CLEC16A: variants seen among roughly 807,000 people sequenced by gnomAD.
CLEC16A encodes the protein protein CLEC16A.
A neutral mutation model predicts 109.5 loss-of-function variants in CLEC16A; 51 were observed. The observed-to-expected ratio is 0.47, with a 90% CI of 0.37 to 0.59. The LOEUF is 0.59. Among genes scored for constraint, CLEC16A ranks in the 20% least tolerant of loss-of-function variants. CLEC16A has a pLI of 0.00. For synonymous variants in CLEC16A, 673 were observed against 564.2 expected (o/e 1.19, Z -2.73); for missense variants, 1,339 against 1,394.0 (o/e 0.96, Z 0.63).
At chr16:11,000,660 T>C (rs1019191691) in intron 10 of CLEC16A, among the ~76,000 whole-genome samples, 1 of 152,222 alleles carries the variant, frequency 6.6e-6, no homozygotes, top group South Asian at 2.1e-4. Context: ...TTGGCGTCTG[T>C]AATACGCTAT....
At chr16:10,965,435 A>G (rs988050413) in intron 3 of CLEC16A, among the ~76,000 whole-genome samples, 4 of 152,200 alleles carry the variant, frequency 2.6e-5, no homozygotes, top group African/African-American at 9.6e-5. Context: ...CTAACGATCC[A>G]TTGTGCACCA....
At chr16:11,121,466 G>A (rs1299528577) in intron 20 of CLEC16A, among the ~76,000 whole-genome samples, 1 of 152,126 alleles carries the variant, frequency 6.6e-6, no homozygotes, top group Non-Finnish European at 1.5e-5. Flanking sequence ...GTTGCCACTG[G>A]CATTTTTGTG....
intron 22 of CLEC16A, among the ~76,000 whole-genome samples, chr16:11,136,574 C>T (rs749617919): frequency 2.8e-4 from 43 of 152,204 alleles, no homozygotes; most frequent in Non-Finnish European, 4.6e-4. Context: ...ATTACGAATG[C>T]AGTAGTCCTT....
chr16:11,115,945 A>C (rs1261567070), intron 19 of CLEC16A, among the ~76,000 whole-genome samples: 1 of 151,930 alleles, frequency 6.6e-6, no homozygotes, highest in Non-Finnish European at 1.5e-5. Context: ...TCTTGGGCTC[A>C]AGCAATCCTC....
chr16:11,029,798 A>G (rs2046632788), intron 13 of CLEC16A, among the ~76,000 whole-genome samples: 1 of 152,202 alleles, frequency 6.6e-6, no homozygotes, highest in Non-Finnish European at 1.5e-5. Context: ...TAATATTTTG[A>G]CATATGTAAA....
intron 22 of CLEC16A, among the ~76,000 whole-genome samples, chr16:11,162,308 T>G (rs1378514969): frequency 6.6e-6 from 1 of 152,140 alleles, no homozygotes; most frequent in Non-Finnish European, 1.5e-5. Flanking sequence ...CTGGCCCTGC[T>G]CTTGGTGAGT....
chr16:10,982,307 A>AT (rs138009243), intron 9 of CLEC16A, among the ~76,000 whole-genome samples: 386 of 152,040 alleles, frequency 2.5e-3, no homozygotes, highest in African/African-American at 8.9e-3. Context: ...GTCTCGTGTG[A>AT]TTTTCAGCCC....
chr16:11,133,473 G>A (rs372834200), intron 22 of CLEC16A, among the ~76,000 whole-genome samples: 8 of 152,224 alleles, frequency 5.3e-5, no homozygotes, highest in South Asian at 2.1e-4. Context: ...TAATAGTTCC[G>A]TGGAAAAGCC....
At chr16:11,065,574 G>A (rs888439320) in intron 19 of CLEC16A, among the ~76,000 whole-genome samples, 2 of 152,188 alleles carry the variant, frequency 1.3e-5, no homozygotes, top group Non-Finnish European at 2.9e-5. Context: ...AGTTGTGGAG[G>A]GAGCAACCAC....
chr16:10,984,627 G>T (rs779150234), intron 10 of CLEC16A, among the ~76,000 whole-genome samples: 2 of 152,220 alleles, frequency 1.3e-5, no homozygotes, highest in Non-Finnish European at 2.9e-5. Context: ...ATGTGTTAAA[G>T]ATTTTCCTAG....
intron 22 of CLEC16A, among the ~76,000 whole-genome samples, chr16:11,127,822 A>T (rs747057757): frequency 5.3e-5 from 8 of 152,078 alleles, no homozygotes; most frequent in Admixed American, 3.9e-4. Context: ...GTGAGCTATG[A>T]TTGTACCATT....
At chr16:11,085,666 CT>C (rs1290931273) in intron 19 of CLEC16A, among the ~76,000 whole-genome samples, 1 of 152,264 alleles carries the variant, frequency 6.6e-6, no homozygotes, top group Non-Finnish European at 1.5e-5. Flanking sequence ...CTGTCTGGAT[CT>C]GAGTGGCTTC....
chr16:10,966,530 T>C (rs1314930338), intron 3 of CLEC16A, among the ~76,000 whole-genome samples: 1 of 152,218 alleles, frequency 6.6e-6, no homozygotes, highest in Non-Finnish European at 1.5e-5. Context: ...CTTAGGGTTA[T>C]GTATCTATGT....
intron 16 of CLEC16A, among the ~76,000 whole-genome samples, chr16:11,046,129 G>T (rs949275084): frequency 1.3e-5 from 2 of 152,116 alleles, no homozygotes; most frequent in African/African-American, 4.8e-5. Context: ...CCTCTTTCCA[G>T]TATAACTGCC....
At chr16:11,124,469 C>T (rs780871780) in intron 21 of CLEC16A, among the ~76,000 whole-genome samples, 3 of 152,206 alleles carry the variant, frequency 2.0e-5, no homozygotes, top group Non-Finnish European at 4.4e-5. Flanking sequence ...TGGTGAAAGG[C>T]TGGAACCCTT....
At chr16:11,041,540 C>G (rs1319325335) in intron 14 of CLEC16A, 2 of 152,346 alleles carry the variant, frequency 1.3e-5, no homozygotes, top group East Asian at 1.9e-4. Context: ...CACTGAGACT[C>G]TAGACTTACT....
At chr16:11,158,440 G>A (rs1250269388) in intron 22 of CLEC16A, among the ~76,000 whole-genome samples, 1 of 152,112 alleles carries the variant, frequency 6.6e-6, no homozygotes, top group Non-Finnish European at 1.5e-5. Context: ...TTTTTCTTAG[G>A]GCAGGCAGCT....
intron 22 of CLEC16A, among the ~76,000 whole-genome samples, chr16:11,155,062 G>A (rs11074955): frequency 0.66 from 99,994 of 151,966 alleles, 33,450 homozygotes; most frequent in South Asian, 0.76. Flanking sequence ...AGGTCAAGAG[G>A]CTGCAGTGAG....
At chr16:11,062,738 C>A (rs1399797368) in intron 19 of CLEC16A, among the ~76,000 whole-genome samples, 1 of 152,164 alleles carries the variant, frequency 6.6e-6, no homozygotes, top group African/African-American at 2.4e-5. Context: ...AGCTGTGACG[C>A]CTCTCTGCCT....
Sources: allele counts gnomAD v4.1 joint callset (sites outside exome capture counted in the v4.1 genomes callset), GRCh38; gene constraint gnomAD v4.1.1; transcripts MANE v1.5; gene names NCBI Gene and HGNC (gene_info 2026-07-23, HGNC 2026-07-21).